The following HECW2 variants were observed in gnomAD, a reference collection of about 807,000 sequenced individuals.
HECW2 encodes E3 ubiquitin-protein ligase HECW2.
In HECW2, 61 loss-of-function variants were observed where a neutral mutation model predicts 175.2. The ratio of observed to expected loss-of-function variants is 0.35; its 90% CI spans 0.28 to 0.43. HECW2 has a LOEUF of 0.43. Among genes scored for constraint, HECW2 ranks in the 20% least tolerant of loss-of-function variants. The probability of loss-of-function intolerance (pLI) is 1.00; values close to 1 mark genes in which losing one functional copy is unlikely to be tolerated. For synonymous variants in HECW2, 671 were observed against 731.0 expected, an observed-to-expected ratio of 0.92 and a Z score of 1.32; for missense variants, 1,524 against 2,000.5, an observed-to-expected ratio of 0.76 and a Z score of 4.54.
Position 196,300,250 on chromosome 2 carries a change from C to A in HECW2, c.2814+6238G>T, listed in dbSNP as rs1004115375. ...AAGCTTCATTGGAACTCAGCCAGGG[C>A]CATTTGCTTACATGTTGTCTTTGGG... is the stretch of plus-strand genomic sequence containing the variant. On this transcript the variant is annotated intron_variant, in intron 13 of 28. Transcript: ENST00000644978. 4.6e-5 allele frequency among the ~76,000 whole-genome samples: 7 copies of A among 152,332 alleles called. 1 individual carries two copies. Among genetic ancestry groups the A allele is most frequent in the African/African-American group, 1.7e-4 (7 of 41,572 alleles).
At chr2:196,547,859 C>T (rs954842118) in intron 1 of HECW2, among the ~76,000 whole-genome samples, 78 of 152,170 alleles carry the variant, frequency 5.1e-4, no homozygotes, top group African/African-American at 1.9e-3. Flanking sequence ...AGTGAGGAAA[C>T]TCATCTCTAT....
At chr2:196,507,581 G>C (rs1003785974) in intron 1 of HECW2, among the ~76,000 whole-genome samples, 1 of 152,162 alleles carries the variant, frequency 6.6e-6, no homozygotes, top group African/African-American at 2.4e-5. Flanking sequence ...AATGTCAATA[G>C]TGATGAAGTT....
intron 2 of HECW2, among the ~76,000 whole-genome samples, chr2:196,367,222 T>G (rs1472699899): frequency 3.3e-5 from 5 of 152,224 alleles, no homozygotes; most frequent in Non-Finnish European, 1.5e-5. Context: ...AGAGTAGTTC[T>G]TAAATTTTAC....
chr2:196,301,439 T>G lies in HECW2; in HGVS notation c.2814+5049A>C, dbSNP rs538135270. On this transcript the variant is annotated intron_variant, in intron 13 of 28. Coordinates refer to ENST00000644978, the MANE Select transcript of HECW2 (RefSeq NM_001348768.2). ...AGTGGTATTTCTGGTTCTAGATCTT[T>G]AGGGAATCGCCACACTGTCTTTCAC... Among the ~76,000 whole-genome samples the G allele has an allele frequency of 1.1e-3, 164 of 152,320 alleles. No individual in the cohort carries two copies. The Middle Eastern group carries it at 0.014, about 13-fold the overall frequency.
Position 196,432,403 on chromosome 2 carries a change from G to A in HECW2, c.292+729C>T, listed in dbSNP as rs572887890. On this transcript the variant is annotated intron_variant, in intron 2 of 28. Transcript: ENST00000644978. ...AATGTTAGATTTTATTATTGGGTTGGATTTCAATTTTCTTTTTGTTTAGTT... is the reference window on the plus strand; with the variant it reads ...AATGTTAGATTTTATTATTGGGTTGAATTTCAATTTTCTTTTTGTTTAGTT... Among the ~76,000 whole-genome samples, 9 of 152,244 alleles carry A rather than the reference G, an allele frequency of 5.9e-5. No homozygotes were observed. The South Asian group carries it at 1.7e-3, about 28-fold the overall frequency.
At chr2:196,434,831 T>A (rs1221631413) in intron 1 of HECW2, among the ~76,000 whole-genome samples, 1 of 152,198 alleles carries the variant, frequency 6.6e-6, no homozygotes, top group Non-Finnish European at 1.5e-5. Context: ...TCTCATATGA[T>A]ATATTTCAAC....
At chr2:196,342,836 G>A (rs1213491510) in intron 3 of HECW2, among the ~76,000 whole-genome samples, 1 of 152,056 alleles carries the variant, frequency 6.6e-6, no homozygotes, top group African/African-American at 2.4e-5. Flanking sequence ...GGCAAGTCAT[G>A]TTATTAAATT....
intron 1 of HECW2, among the ~76,000 whole-genome samples, chr2:196,459,105 C>T (rs1696634358): frequency 6.6e-6 from 1 of 152,126 alleles, no homozygotes. Flanking sequence ...ACAAGAAACA[C>T]CACAAGACTA....
intron 17 of HECW2, among the ~76,000 whole-genome samples, chr2:196,265,663 T>C (rs1311703328): frequency 6.6e-6 from 1 of 152,182 alleles, no homozygotes; most frequent in Non-Finnish European, 1.5e-5. Flanking sequence ...AACAAAGAAG[T>C]GAAGGGCACA....
intron 2 of HECW2, among the ~76,000 whole-genome samples, chr2:196,392,660 T>G (rs1432482835): frequency 6.6e-6 from 1 of 152,098 alleles, no homozygotes; most frequent in Non-Finnish European, 1.5e-5. Flanking sequence ...GCCACCACCA[T>G]GTTTCAGAAA....
At chr2:196,379,943 T>A (rs1694163378) in intron 2 of HECW2, among the ~76,000 whole-genome samples, 1 of 151,702 alleles carries the variant, frequency 6.6e-6, no homozygotes, top group Non-Finnish European at 1.5e-5. Flanking sequence ...CTGCTCTACA[T>A]TAAAGGTGAC....
chr2:196,474,959 ACT>A (rs1016320395), intron 1 of HECW2, among the ~76,000 whole-genome samples: 9 of 151,914 alleles, frequency 5.9e-5, no homozygotes, highest in African/African-American at 2.2e-4. Flanking sequence ...CTGATCCTCA[ACT>A]CTCTGGGCCC....
chr2:196,251,684 T>C (rs908537198), intron 19 of HECW2, among the ~76,000 whole-genome samples: 1 of 152,182 alleles, frequency 6.6e-6, no homozygotes, highest in East Asian at 1.9e-4. Flanking sequence ...TGTCTCTGCA[T>C]CCTACATATC....
intron 1 of HECW2, among the ~76,000 whole-genome samples, chr2:196,490,256 A>C (rs1486117959): frequency 6.6e-6 from 1 of 151,842 alleles, no homozygotes; most frequent in Non-Finnish European, 1.5e-5. Context: ...AAACAACAAC[A>C]AATTAAAAGA....
intron 2 of HECW2, among the ~76,000 whole-genome samples, chr2:196,426,099 A>C (rs1370541484): frequency 6.6e-6 from 1 of 152,182 alleles, no homozygotes; most frequent in East Asian, 1.9e-4. Context: ...AGCTCAGATG[A>C]TCATTAACAT....
chr2:196,434,236 TA>T (rs1695805064), intron 1 of HECW2, among the ~76,000 whole-genome samples: 1 of 152,324 alleles, frequency 6.6e-6, no homozygotes, highest in East Asian at 1.9e-4. Context: ...AAATATTTGT[TA>T]AATAACAGAT....
chr2:196,565,138 G>A (rs376579478), intron 1 of HECW2, among the ~76,000 whole-genome samples: 1 of 152,058 alleles, frequency 6.6e-6, no homozygotes, highest in African/African-American at 2.4e-5. Flanking sequence ...AAGGCCAGTG[G>A]CTGCAGTAAC....
At chr2:196,228,394 G>T in intron 21 of HECW2, 140 bp from the exon 22 acceptor site, 1 of 721,318 alleles carries the variant, frequency 1.4e-6, no homozygotes. Flanking sequence ...AAAACAAACT[G>T]AATGATCATA....
At position 196,278,894 on chromosome 2, in the gene HECW2, G is replaced by C. The variant is rs1327182385; in HGVS notation, c.3001-232C>G. ...GAGAGCAGGAAGGAACATTATGCCT[G>C]GTTTTAGGAAATGCTCCACGAGATA... is the stretch of plus-strand genomic sequence containing the variant. On this transcript the variant is annotated intron_variant, in intron 14 of 28. Transcript: ENST00000644978. 2.0e-5 allele frequency among the ~76,000 whole-genome samples: 3 copies of C among 152,050 alleles called. No individual in the cohort carries two copies. The East Asian group carries it at 5.8e-4, about 29-fold the overall frequency.
Sources: gnomAD v4.1 joint callset for allele counts (sites outside exome capture counted in the v4.1 genomes callset) on GRCh38, gnomAD v4.1.1 for gene constraint, MANE v1.5 for transcripts, NCBI Gene and HGNC (gene_info 2026-07-23, HGNC 2026-07-21) for gene names.